The following CCNK variants were observed in gnomAD, a reference collection of about 807,000 sequenced individuals.
The protein encoded by CCNK is cyclin-K.
A neutral mutation model predicts 65.0 loss-of-function variants in CCNK; 9 were observed. The observed-to-expected ratio is 0.14, with a 90% CI of 0.08 to 0.24. The LOEUF (loss-of-function observed/expected upper bound fraction) is 0.24, where lower values mean the gene tolerates loss of function less well. CCNK is among the 10% of genes least tolerant of loss of function. The pLI, the probability that CCNK is intolerant of heterozygous loss-of-function variation, is 1.00. For synonymous variants in CCNK, 279 were observed against 270.8 expected, an observed-to-expected ratio of 1.03 and a Z score of -0.30; for missense variants, 474 against 720.0, an observed-to-expected ratio of 0.66 and a Z score of 3.91.
In CCNK at chr14:99,510,389, G is replaced by A. The variant is rs1322405212; in HGVS notation, c.1350G>A (p.Met450Ile). Reference sequence around the variant, plus strand: ...AGGGCTACCAGAGCCTGCAGTCCATGATGAAGACCGAGGGACCCTCCTACG... The same window carrying A: ...AGGGCTACCAGAGCCTGCAGTCCATAATGAAGACCGAGGGACCCTCCTACG... ...SGEGYQSLQS[M>I]MKTEGPSYGA... is the part of the protein sequence containing the mutation. Residue 450 changes from methionine (M) to isoleucine (I), a missense_variant, in exon 11 of 11, where the codon ATG becomes ATA. By Grantham distance (10) the Met-to-Ile change is conservative (BLOSUM62 1). This residue lies in a region of CCNK where 229 missense variants were observed against 275.5 expected (regional missense o/e 0.83). Transcript: ENST00000389879. 6 of 1,566,390 alleles carry A rather than the reference G, an allele frequency of 3.8e-6. No homozygotes were observed. The highest frequency in any genetic ancestry group is 1.9e-5 in the Admixed American group (1 of 52,402).
Position 99,507,056 on chromosome 14 carries a change from A to C in CCNK, c.1046-20A>C. Reference sequence around the variant, plus strand: ...TGTGAAGAAGTATGAGTGGTTTTCTAATCTGCTTTTTCTTTGTAGAACCAC... The same window carrying C: ...TGTGAAGAAGTATGAGTGGTTTTCTCATCTGCTTTTTCTTTGTAGAACCAC... On this transcript the variant is annotated intron_variant, in intron 9 of 10. Coordinates refer to ENST00000389879, the MANE Select transcript of CCNK (RefSeq NM_001099402.2). 4 of 1,506,088 alleles carry C rather than the reference A, an allele frequency of 2.7e-6. No individual in the cohort carries two copies. The highest frequency in any genetic ancestry group is 3.7e-6 in the Non-Finnish European group (4 of 1,081,772). 93.3% of individuals were successfully genotyped at this position (1,506,088 alleles called of 1,614,324 possible). A position where few individuals can be genotyped will look rare whatever the true frequency, so the allele number is the denominator to read the frequency against.
intron 4 of CCNK, among the ~76,000 whole-genome samples, chr14:99,496,113 T>A (rs894679133): frequency 6.6e-6 from 1 of 152,170 alleles, no homozygotes; most frequent in Non-Finnish European, 1.5e-5. Flanking sequence ...ACACCAGCCA[T>A]CCTATCTTTT....
intron 1 of CCNK, among the ~76,000 whole-genome samples, chr14:99,489,856 C>A (rs1896564278): frequency 1.3e-5 from 2 of 152,032 alleles, no homozygotes; most frequent in South Asian, 2.1e-4. Context: ...TGGATTATAA[C>A]CCAAAGAATA....
rs796215988 is a variant in CCNK, at chr14:99,501,080, G to A, written c.517+209G>A. On this transcript the variant is annotated intron_variant, in intron 5 of 10. Coordinates refer to ENST00000389879, the MANE Select transcript of CCNK (RefSeq NM_001099402.2). ...AGGCTCTGTCATCCAGTTGCCAAGT[G>A]ATGGGAGAGGCAGGAAAATGAGGCA... 7 of 601,620 alleles carry A rather than the reference G, an allele frequency of 1.2e-5. No individual in the cohort carries two copies. The African/African-American group carries it at 1.3e-4, about 11-fold the overall frequency. 37.3% of individuals were successfully genotyped at this position (601,620 alleles called of 1,614,324 possible).
intron 9 of CCNK, chr14:99,505,277 G>A (rs1256352162): frequency 6.6e-6 from 1 of 152,310 alleles, no homozygotes; most frequent in Non-Finnish European, 1.5e-5. Flanking sequence ...GGGGCAGGAA[G>A]GGCAGATCCG....
intron 9 of CCNK, chr14:99,506,871 G>A: frequency 1.8e-6 from 1 of 547,400 alleles, no homozygotes; most frequent in East Asian, 3.1e-5. Context: ...AAGCTCGCAG[G>A]TCTTTTGGAG....
intron 9 of CCNK, chr14:99,506,067 G>C (rs3918102): frequency 2.8e-4 from 43 of 152,724 alleles, no homozygotes; most frequent in African/African-American, 9.9e-4. Flanking sequence ...TGGGTCTAGG[G>C]ATGGGCCATG....
At chr14:99,485,118 C>A (rs543057354) in intron 1 of CCNK, among the ~76,000 whole-genome samples, 89 of 152,338 alleles carry the variant, frequency 5.8e-4, no homozygotes, top group Admixed American at 2.6e-3. Flanking sequence ...ATTTTGAGGA[C>A]TGTCTCTATT....
intron 10 of CCNK, chr14:99,509,855 G>A: frequency 2.1e-6 from 1 of 473,246 alleles, no homozygotes; most frequent in East Asian, 3.7e-5. Context: ...AGGAAGAGGG[G>A]GCTGGGGCCA....
In CCNK at chr14:99,505,349, G is replaced by A. The variant is rs187217449; in HGVS notation, c.1045+1705G>A. On this transcript the variant is annotated intron_variant, in intron 9 of 10. Transcript: ENST00000389879. ...CATGCCGAAGGCTACTGGCTGCAGA[G>A]GGCTGCAAGCACTCGAAATGTGACT... 1.2e-3 allele frequency: 183 copies of A among 152,326 alleles called. 1 individual carries two copies. The highest frequency in any genetic ancestry group is 3.8e-3 in the African/African-American group (160 of 41,564). 9.4% of individuals were successfully genotyped at this position (152,326 alleles called of 1,614,324 possible).
intron 1 of CCNK, among the ~76,000 whole-genome samples, chr14:99,484,747 G>T (rs1277781521): frequency 2.0e-5 from 3 of 152,150 alleles, no homozygotes; most frequent in Non-Finnish European, 4.4e-5. Flanking sequence ...AACTAATGAG[G>T]TTTCATTGAT....
chr14:99,490,928 CAAAA>C (rs56222414), intron 1 of CCNK, among the ~76,000 whole-genome samples: 4 of 79,994 alleles, frequency 5.0e-5, no homozygotes, highest in Non-Finnish European at 5.1e-5. Flanking sequence ...GACTCCGTCT[CAAAA>C]AAAAAAAAAA....
intron 4 of CCNK, among the ~76,000 whole-genome samples, chr14:99,498,806 T>G (rs1323055262): frequency 2.6e-5 from 4 of 152,178 alleles, no homozygotes; most frequent in Non-Finnish European, 5.9e-5. Flanking sequence ...AAATAGGGGC[T>G]GAGGGAAGGC....
At position 99,507,151 on chromosome 14, in the gene CCNK, A is replaced by G. The variant is rs763747527; in HGVS notation, c.1117+4A>G. On this transcript the variant is annotated splice_donor_region_variant and intron_variant, in intron 10 of 10. Coordinates refer to ENST00000389879, the MANE Select transcript of CCNK (RefSeq NM_001099402.2). ...CCTCCAGCCCACCCACCTCCAGGTAAGCATCTGCTGAAGCAGCTTGGCCAG... is the reference window on the plus strand; with the variant it reads ...CCTCCAGCCCACCCACCTCCAGGTAGGCATCTGCTGAAGCAGCTTGGCCAG... 11 of 1,587,576 alleles carry G rather than the reference A, an allele frequency of 6.9e-6. No individual in the cohort carries two copies. The Middle Eastern group carries it at 6.6e-4, about 96-fold the overall frequency.
chr14:99,486,921 T>C (rs1340325167), intron 1 of CCNK, among the ~76,000 whole-genome samples: 2 of 152,208 alleles, frequency 1.3e-5, no homozygotes, highest in Non-Finnish European at 2.9e-5. Flanking sequence ...ATTCATATAT[T>C]TCTTTCTTAT....
intron 6 of CCNK, 63 bp from the exon 7 acceptor site, chr14:99,502,144 G>C (rs139759844): frequency 2.0e-6 from 3 of 1,487,210 alleles, no homozygotes; most frequent in Non-Finnish European, 2.7e-6. Flanking sequence ...GCATCTCCAT[G>C]CACTGGTTTA....
intron 1 of CCNK, among the ~76,000 whole-genome samples, chr14:99,483,818 A>T (rs10144747): frequency 2.0e-5 from 3 of 152,200 alleles, no homozygotes; most frequent in African/African-American, 7.2e-5. Flanking sequence ...GAGATATGCT[A>T]CAGGACTCTG....
chr14:99,510,248 TCCGGCCCA>T lies in CCNK; in HGVS notation c.1212_1219del (p.Ala405GlyfsTer176), dbSNP rs752596562. On this transcript the variant is annotated frameshift_variant, in exon 11 of 11. Transcript: ENST00000389879. LOFTEE classifies it high-confidence loss of function. ...ACCTCCCCAAAGTCCAGATTCCCCCTCCGGCCCACCCGGCCCCTGTGCACCAGCCACCG... is the reference window on the plus strand; with the variant it reads ...ACCTCCCCAAAGTCCAGATTCCCCCTCCCGGCCCCTGTGCACCAGCCACCG... 5 of 1,546,648 alleles carry T rather than the reference TCCGGCCCA, an allele frequency of 3.2e-6. No homozygotes were observed. In the Admixed American group the frequency reaches 7.3e-5, roughly 23 times the overall value.
chr14:99,493,648 C>T, intron 3 of CCNK, 53 bp downstream of exon 3: 2 of 1,224,290 alleles, frequency 1.6e-6, no homozygotes, highest in South Asian at 2.5e-5. Flanking sequence ...TATTTCCACA[C>T]AGTTTGGTGG....
Sources: allele counts gnomAD v4.1 joint callset (sites outside exome capture counted in the v4.1 genomes callset), GRCh38; gene constraint gnomAD v4.1.1; regional missense constraint gnomAD v4.1.1; transcripts MANE v1.5; gene names NCBI Gene and HGNC (gene_info 2026-07-23, HGNC 2026-07-21).